The following CSMD1 variants were observed in gnomAD, a reference collection of about 807,000 sequenced individuals.
CSMD1 encodes the protein CUB and Sushi multiple domains 1.
In CSMD1, 213 loss-of-function variants were observed where a neutral mutation model predicts 417.5. The observed-to-expected ratio is 0.51, with a 90% CI of 0.46 to 0.57. CSMD1 has a LOEUF of 0.57. CSMD1 is among the 20% of genes least tolerant of loss of function. The probability of loss-of-function intolerance (pLI) is 0.00; values close to 1 mark genes in which losing one functional copy is unlikely to be tolerated. For missense variants in CSMD1, 6,923 were observed against 4,529.7 expected (o/e 1.53, Z -15.17); for synonymous variants, 2,862 against 1,736.8 (o/e 1.65, Z -16.11).
intron 32 of CSMD1, among the ~76,000 whole-genome samples, chr8:3,201,171 C>G (rs1199821415): frequency 6.6e-6 from 1 of 152,112 alleles, no homozygotes; most frequent in Non-Finnish European, 1.5e-5. Flanking sequence ...TAAATGTATG[C>G]ATGTATACAT....
chr8:4,905,759 G>A (rs924757714), intron 1 of CSMD1, among the ~76,000 whole-genome samples: 1 of 145,276 alleles, frequency 6.9e-6, no homozygotes, highest in African/African-American at 2.5e-5. Flanking sequence ...GGCGGAGCTT[G>A]CAGTGAGCCG....
chr8:3,584,770 G>A (rs570553915), intron 9 of CSMD1, among the ~76,000 whole-genome samples: 2 of 152,210 alleles, frequency 1.3e-5, no homozygotes, highest in African/African-American at 4.8e-5. Flanking sequence ...GGATATAAGA[G>A]CAAGAAAACT....
chr8:4,057,951 T>G lies in CSMD1; in HGVS notation c.416-25852A>C, dbSNP rs1002485361. ...GGTTCCTGTAGCCTTGTAGCATAGTTTGAAGTCAGGTAGGGTGATGCCTCC... is the reference window on the plus strand; with the variant it reads ...GGTTCCTGTAGCCTTGTAGCATAGTGTGAAGTCAGGTAGGGTGATGCCTCC... On this transcript the variant is annotated intron_variant, in intron 3 of 69. Transcript: ENST00000635120. Among the ~76,000 whole-genome samples the G allele has an allele frequency of 4.6e-5, 7 of 151,004 alleles. 1 individual carries two copies. The highest frequency in any genetic ancestry group is 1.3e-4 in the Admixed American group (2 of 15,148).
At chr8:4,218,659 C>T (rs1800835707) in intron 3 of CSMD1, among the ~76,000 whole-genome samples, 1 of 152,098 alleles carries the variant, frequency 6.6e-6, no homozygotes, top group African/African-American at 2.4e-5. Flanking sequence ...ATTAGTGGGA[C>T]AGTGGTTAGG....
At chr8:3,810,521 G>C (rs895568836) in intron 5 of CSMD1, among the ~76,000 whole-genome samples, 2 of 152,102 alleles carry the variant, frequency 1.3e-5, no homozygotes, top group African/African-American at 4.8e-5. Flanking sequence ...AGGTCAGAAT[G>C]GGATGCCTCC....
intron 1 of CSMD1, among the ~76,000 whole-genome samples, chr8:4,736,649 G>T (rs1010821809): frequency 6.6e-6 from 1 of 152,096 alleles, no homozygotes; most frequent in African/African-American, 2.4e-5. Context: ...TTATCAAAAG[G>T]AATGATTTTT....
At chr8:4,571,835 G>T (rs1006742883) in intron 2 of CSMD1, among the ~76,000 whole-genome samples, 4 of 152,116 alleles carry the variant, frequency 2.6e-5, no homozygotes, top group Admixed American at 2.6e-4. Context: ...TATATATTTA[G>T]GATTGTTAAC....
intron 5 of CSMD1, among the ~76,000 whole-genome samples, chr8:3,959,411 A>C (rs1812173217): frequency 6.6e-6 from 1 of 152,234 alleles, no homozygotes; most frequent in Non-Finnish European, 1.5e-5. Context: ...AAGTGGGAAG[A>C]TCACTTGAAC....
chr8:4,054,832 A>G (rs1419684955), intron 3 of CSMD1, among the ~76,000 whole-genome samples: 1 of 152,174 alleles, frequency 6.6e-6, no homozygotes, highest in Non-Finnish European at 1.5e-5. Flanking sequence ...CTATCTAGCC[A>G]CAGCAGCCCA....
intron 49 of CSMD1, among the ~76,000 whole-genome samples, chr8:3,072,135 G>A (rs754781082): frequency 5.9e-5 from 9 of 152,136 alleles, no homozygotes; most frequent in Non-Finnish European, 1.3e-4. Context: ...AGAAAGTCTC[G>A]AGTCTCAGGG....
intron 52 of CSMD1, among the ~76,000 whole-genome samples, chr8:3,001,197 T>C (rs753787866): frequency 7.2e-5 from 11 of 152,146 alleles, no homozygotes; most frequent in Non-Finnish European, 1.6e-4. Context: ...GGTCTCATTA[T>C]GTTGTTCAGG....
At chr8:4,750,516 T>G (rs550215222) in intron 1 of CSMD1, among the ~76,000 whole-genome samples, 1 of 152,290 alleles carries the variant, frequency 6.6e-6, no homozygotes, top group East Asian at 1.9e-4. Context: ...TATTTTAATG[T>G]TAAGATTTTC....
At chr8:4,045,214 G>C (rs939744569) in intron 3 of CSMD1, among the ~76,000 whole-genome samples, 7 of 152,106 alleles carry the variant, frequency 4.6e-5, no homozygotes, top group Non-Finnish European at 8.8e-5. Flanking sequence ...CCACAATGTG[G>C]GCGACAGTTG....
intron 23 of CSMD1, among the ~76,000 whole-genome samples, chr8:3,315,124 T>A (rs193088104): frequency 2.6e-5 from 4 of 152,310 alleles, no homozygotes; most frequent in Admixed American, 6.5e-5. Flanking sequence ...ATAATGTACT[T>A]CTTTGGCAAA....
intron 7 of CSMD1, among the ~76,000 whole-genome samples, chr8:3,628,407 G>C (rs538742739): frequency 1.3e-5 from 2 of 152,318 alleles, no homozygotes; most frequent in South Asian, 4.1e-4. Context: ...ATGGGGACTT[G>C]GCCCAAATAG....
intron 1 of CSMD1, among the ~76,000 whole-genome samples, chr8:4,936,299 C>T (rs554873387): frequency 6.6e-6 from 1 of 152,122 alleles, no homozygotes; most frequent in South Asian, 2.1e-4. Context: ...AAAATGTGTG[C>T]ATGGGATTGT....
chr8:4,139,411 A>AATCACATCAGGTAAGAGCTCCGCC (rs2131010015), intron 3 of CSMD1, among the ~76,000 whole-genome samples: 211 of 152,154 alleles, frequency 1.4e-3, no homozygotes, highest in African/African-American at 4.8e-3. Context: ...TTGCTGTGCT[A>AATCACATCAGGTAAGAGCTCCGCC]AGCACTGGAG....
At chr8:3,962,644 T>G (rs1176786676) in intron 5 of CSMD1, among the ~76,000 whole-genome samples, 2 of 152,058 alleles carry the variant, frequency 1.3e-5, no homozygotes, top group African/African-American at 2.4e-5. Context: ...GCATGGACAT[T>G]CAATTGCAGT....
At chr8:4,010,816 G>C (rs1472425170) in intron 4 of CSMD1, among the ~76,000 whole-genome samples, 1 of 152,114 alleles carries the variant, frequency 6.6e-6, no homozygotes, top group Non-Finnish European at 1.5e-5. Context: ...AAACACCTTT[G>C]GTTCCAGTCT....
Sources: gnomAD v4.1 joint callset for allele counts (sites outside exome capture counted in the v4.1 genomes callset) on GRCh38, gnomAD v4.1.1 for gene constraint, MANE v1.5 for transcripts, NCBI Gene and HGNC (gene_info 2026-07-23, HGNC 2026-07-21) for gene names.